The following STXBP5L variants were observed in gnomAD, a reference collection of about 807,000 sequenced individuals.
The protein encoded by STXBP5L is syntaxin-binding protein 5-like.
Under a neutral mutation model 144.5 loss-of-function variants are expected in STXBP5L, and 65 were observed. The observed-to-expected ratio is 0.45, with a 90% CI of 0.37 to 0.55. The LOEUF (loss-of-function observed/expected upper bound fraction) is 0.55. STXBP5L is among the 20% of genes least tolerant of loss of function. The pLI, the probability that STXBP5L is intolerant of heterozygous loss-of-function variation, is 0.00. For synonymous variants in STXBP5L, 505 were observed against 469.6 expected, an observed-to-expected ratio of 1.08 and a Z score of -0.97; for missense variants, 1,298 against 1,405.5, an observed-to-expected ratio of 0.92 and a Z score of 1.22.
rs2047399809 is a variant in STXBP5L at position 121,423,627 on chromosome 3, T to A, written c.*4530T>A. On this transcript the variant is annotated 3_prime_UTR_variant, in exon 27 of 27. Transcript: ENST00000471454. ...AGAATCACCTCAGGAAATTTTTAAA[T>A]TCCCAATTATATTAAAATCATTTGG... The A allele has an allele frequency of 6.6e-6, 1 of 152,210 alleles. No homozygotes were observed. Among genetic ancestry groups the A allele is most frequent in the Non-Finnish European group, 1.5e-5 (1 of 68,036 alleles). 9.4% of individuals were successfully genotyped at this position (152,210 alleles called of 1,614,324 possible).
intron 9 of STXBP5L, among the ~76,000 whole-genome samples, chr3:121,160,320 G>C (rs891993864): frequency 1.3e-5 from 2 of 152,022 alleles, no homozygotes; most frequent in African/African-American, 4.8e-5. Context: ...CCTATAAAGA[G>C]CATAGTCCAC....
chr3:121,150,161 C>T (rs776536211), intron 7 of STXBP5L, among the ~76,000 whole-genome samples: 17 of 151,932 alleles, frequency 1.1e-4, no homozygotes, highest in Non-Finnish European at 1.2e-4. Flanking sequence ...TGGTATTTAA[C>T]AATTAATTTG....
At chr3:121,082,320 T>C (rs1269944330) in intron 5 of STXBP5L, among the ~76,000 whole-genome samples, 1 of 152,148 alleles carries the variant, frequency 6.6e-6, no homozygotes, top group African/African-American at 2.4e-5. Flanking sequence ...ATACAAATCA[T>C]GTACATGTCA....
In STXBP5L at chr3:120,974,860, C is replaced by T. The variant is rs575980078; in HGVS notation, c.287+19823C>T. ...CAAAGATCAGATAGTTGTAGATATG[C>T]GGTGTTATTTCTGAGGGCTCTGTTC... On this transcript the variant is annotated intron_variant, in intron 3 of 26. Transcript: ENST00000471454. Among the ~76,000 whole-genome samples, 459 of 152,040 alleles carry T rather than the reference C, an allele frequency of 3.0e-3. 1 individual carries two copies. The highest frequency in any genetic ancestry group is 9.2e-3 in the African/African-American group (383 of 41,468).
chr3:121,040,645 A>G (rs934503927), intron 3 of STXBP5L, among the ~76,000 whole-genome samples: 7 of 151,746 alleles, frequency 4.6e-5, no homozygotes, highest in Admixed American at 3.3e-4. Context: ...AACCCTATGA[A>G]CTCTAGTTGT....
chr3:121,349,706 A>G (rs2045186069), intron 20 of STXBP5L, among the ~76,000 whole-genome samples: 1 of 152,046 alleles, frequency 6.6e-6, no homozygotes, highest in Admixed American at 6.5e-5. Context: ...CTTTACCATT[A>G]TGTAATGGTC....
At chr3:121,068,989 C>T (rs775305949) in intron 5 of STXBP5L, among the ~76,000 whole-genome samples, 29 of 152,216 alleles carry the variant, frequency 1.9e-4, no homozygotes, top group Non-Finnish European at 3.7e-4. Context: ...ATGTTAATGT[C>T]GTACATGCAC....
At chr3:121,178,887 C>T (rs757356438) in intron 9 of STXBP5L, among the ~76,000 whole-genome samples, 3 of 152,086 alleles carry the variant, frequency 2.0e-5, no homozygotes, top group Non-Finnish European at 1.5e-5. Context: ...AGGGAAGAGT[C>T]ACAGGGTGAA....
At chr3:121,089,092 TAAAAAA>T (rs375977537) in intron 5 of STXBP5L, among the ~76,000 whole-genome samples, 35 of 56,158 alleles carry the variant, frequency 6.2e-4, no homozygotes, top group South Asian at 1.1e-3. Context: ...TAGAGTATAA[TAAAAAA>T]AAAAAAAAAA....
chr3:121,026,875 C>A (rs1299450774), intron 3 of STXBP5L, among the ~76,000 whole-genome samples: 3 of 151,522 alleles, frequency 2.0e-5, no homozygotes, highest in African/African-American at 7.3e-5. Flanking sequence ...AGTTATATTT[C>A]TAGGTTGCAC....
chr3:121,352,049 G>C (rs1401658934), intron 20 of STXBP5L, among the ~76,000 whole-genome samples: 2 of 152,084 alleles, frequency 1.3e-5, no homozygotes, highest in East Asian at 3.8e-4. Flanking sequence ...CTATATCTCT[G>C]TTTTGGTACC....
chr3:121,390,990 T>G (rs2046570083), intron 22 of STXBP5L, among the ~76,000 whole-genome samples: 1 of 152,186 alleles, frequency 6.6e-6, no homozygotes, highest in Non-Finnish European at 1.5e-5. Flanking sequence ...TCCAACTTGG[T>G]TCCATTCTCC....
chr3:121,007,111 G>T (rs996053126), intron 3 of STXBP5L, among the ~76,000 whole-genome samples: 3 of 151,960 alleles, frequency 2.0e-5, no homozygotes, highest in Non-Finnish European at 4.4e-5. Flanking sequence ...TGCTAGATTG[G>T]GGAAGTTCTC....
At chr3:121,390,244 A>G (rs902864116) in intron 22 of STXBP5L, among the ~76,000 whole-genome samples, 1 of 151,998 alleles carries the variant, frequency 6.6e-6, no homozygotes, top group Admixed American at 6.6e-5. Flanking sequence ...TGCTTGGTAG[A>G]TCTTCCTCCA....
At chr3:121,151,805 A>G (rs1320115612) in intron 7 of STXBP5L, among the ~76,000 whole-genome samples, 1 of 149,858 alleles carries the variant, frequency 6.7e-6, no homozygotes, top group Non-Finnish European at 1.5e-5. Context: ...ATTGTGAATC[A>G]TTTAACAGCA....
chr3:121,424,166 G>A lies in STXBP5L; in HGVS notation c.*5069G>A, dbSNP rs2047411488. Reference sequence around the variant, plus strand: ...GAGGAGACATGGGTACCAGGTACCTGTTCTGCTGTAGGTATATTTCACTGG... The same window carrying A: ...GAGGAGACATGGGTACCAGGTACCTATTCTGCTGTAGGTATATTTCACTGG... On this transcript the variant is annotated 3_prime_UTR_variant, in exon 27 of 27. Transcript: ENST00000471454. 1 of 152,132 alleles carries A rather than the reference G, an allele frequency of 6.6e-6. No homozygotes were observed. The highest frequency in any genetic ancestry group is 1.5e-5 in the Non-Finnish European group (1 of 68,016). 9.4% of individuals were successfully genotyped at this position (152,132 alleles called of 1,614,324 possible).
At chr3:120,990,545 T>C (rs897611375) in intron 3 of STXBP5L, among the ~76,000 whole-genome samples, 3 of 152,150 alleles carry the variant, frequency 2.0e-5, no homozygotes, top group Non-Finnish European at 2.9e-5. Context: ...TCACGCTACC[T>C]GACTTCAAAC....
chr3:121,238,935 G>T, intron 12 of STXBP5L, 36 bp from the exon 13 acceptor site: 5 of 1,474,550 alleles, frequency 3.4e-6, no homozygotes, highest in East Asian at 2.5e-5. Context: ...TTTTTTCTTT[G>T]TAAAATAACA....
intron 19 of STXBP5L, among the ~76,000 whole-genome samples, chr3:121,292,285 C>T (rs373645014): frequency 4.6e-5 from 7 of 152,046 alleles, no homozygotes; most frequent in African/African-American, 1.2e-4. Context: ...CCAACAAACA[C>T]GTAAAAATGC....
Sources: allele counts gnomAD v4.1 joint callset (sites outside exome capture counted in the v4.1 genomes callset), GRCh38; gene constraint gnomAD v4.1.1; transcripts MANE v1.5; gene names NCBI Gene and HGNC (gene_info 2026-07-23, HGNC 2026-07-21).